Variants in DLG2 observed in about 807,000 individuals in gnomAD.
DLG2 encodes the protein disks large homolog 2.
In DLG2, 45 loss-of-function variants were observed where a neutral mutation model predicts 132.5. The ratio of observed to expected loss-of-function variants is 0.34; its 90% CI spans 0.27 to 0.44. The LOEUF is 0.44. Among genes scored for constraint, DLG2 ranks in the 20% least tolerant of loss-of-function variants. The probability of loss-of-function intolerance (pLI) is 1.00; values close to 1 mark genes in which losing one functional copy is unlikely to be tolerated. For synonymous variants in DLG2, 424 were observed against 419.6 expected, an observed-to-expected ratio of 1.01 and a Z score of -0.13; for missense variants, 1,045 against 1,196.9, an observed-to-expected ratio of 0.87 and a Z score of 1.87.
chr11:85,056,815 T>C (rs918520644), intron 6 of DLG2, among the ~76,000 whole-genome samples: 2 of 152,146 alleles, frequency 1.3e-5, no homozygotes, highest in East Asian at 1.9e-4. Flanking sequence ...GCATTTTTAA[T>C]GTACTGACTG....
chr11:83,808,603 G>A (rs2046499575), intron 17 of DLG2, among the ~76,000 whole-genome samples: 1 of 152,162 alleles, frequency 6.6e-6, no homozygotes, highest in Non-Finnish European at 1.5e-5. Flanking sequence ...TTGGCACGAG[G>A]AGTTCCATGA....
intron 18 of DLG2, chr11:83,724,827 G>C (rs1172403010): frequency 4.3e-6 from 3 of 702,224 alleles, no homozygotes; most frequent in African/African-American, 3.5e-5. Flanking sequence ...CAAGAGAAAT[G>C]GGTCTGAGAA....
intron 18 of DLG2, among the ~76,000 whole-genome samples, chr11:83,691,749 C>G (rs2081044421): frequency 6.6e-6 from 1 of 152,170 alleles, no homozygotes; most frequent in African/African-American, 2.4e-5. Flanking sequence ...CTCATTGTAG[C>G]AGATTCTCCA....
intron 5 of DLG2, among the ~76,000 whole-genome samples, chr11:85,125,280 T>A (rs1434358751): frequency 6.6e-6 from 1 of 152,180 alleles, no homozygotes; most frequent in Non-Finnish European, 1.5e-5. Context: ...TTCATAGCAT[T>A]GTGTTGTTTT....
chr11:83,825,843 T>A (rs1255685564), intron 17 of DLG2, among the ~76,000 whole-genome samples: 1 of 152,200 alleles, frequency 6.6e-6, no homozygotes, highest in East Asian at 1.9e-4. Flanking sequence ...ACTGCCCTGC[T>A]GTCTGGCATC....
chr11:84,273,986 C>T (rs193217880), intron 7 of DLG2, among the ~76,000 whole-genome samples: 4 of 152,110 alleles, frequency 2.6e-5, no homozygotes, highest in Non-Finnish European at 5.9e-5. Flanking sequence ...ACTTTTATTC[C>T]TTATTCTAGA....
intron 6 of DLG2, among the ~76,000 whole-genome samples, chr11:84,821,850 T>C (rs979084735): frequency 6.6e-6 from 1 of 151,760 alleles, no homozygotes; most frequent in Non-Finnish European, 1.5e-5. Flanking sequence ...GCTTGGTATA[T>C]GGAGATTACA....
At chr11:84,273,064 T>G (rs2097749088) in intron 7 of DLG2, 1 of 1,165,320 alleles carries the variant, frequency 8.6e-7, no homozygotes, top group South Asian at 2.1e-5. Context: ...ATGCACAGAA[T>G]TTATACATTT....
At chr11:84,250,563 C>G (rs530137204) in intron 8 of DLG2, among the ~76,000 whole-genome samples, 1 of 152,308 alleles carries the variant, frequency 6.6e-6, no homozygotes, top group East Asian at 1.9e-4. Context: ...CTAGCGCCCA[C>G]TCACAAAGCC....
At chr11:84,854,285 G>T (rs1409088069) in intron 6 of DLG2, among the ~76,000 whole-genome samples, 1 of 151,802 alleles carries the variant, frequency 6.6e-6, no homozygotes, top group African/African-American at 2.4e-5. Flanking sequence ...GAACAAAAGT[G>T]TATCTGTGAC....
intron 6 of DLG2, among the ~76,000 whole-genome samples, chr11:84,676,576 T>C (rs1031312643): frequency 7.9e-5 from 12 of 152,018 alleles, no homozygotes; most frequent in Admixed American, 2.6e-4. Context: ...GGTTTATACA[T>C]ATAGAGCAGT....
At chr11:83,503,039 C>T (rs191852137) in intron 21 of DLG2, among the ~76,000 whole-genome samples, 2 of 151,834 alleles carry the variant, frequency 1.3e-5, no homozygotes, top group Middle Eastern at 3.2e-3. Context: ...ACTGGGGCTA[C>T]AATAAGCTCT....
At chr11:85,004,362 C>T (rs1157036380) in intron 6 of DLG2, among the ~76,000 whole-genome samples, 1 of 152,118 alleles carries the variant, frequency 6.6e-6, no homozygotes, top group African/African-American at 2.4e-5. Flanking sequence ...CCTATTTCTC[C>T]ACGTCCTCTC....
intron 7 of DLG2, among the ~76,000 whole-genome samples, chr11:84,418,520 A>G (rs2098937602): frequency 6.6e-6 from 1 of 152,226 alleles, no homozygotes; most frequent in Admixed American, 6.5e-5. Context: ...ATTAAATAAT[A>G]AACAAAGTCC....
At chr11:84,121,340 T>C (rs1324240083) in intron 9 of DLG2, among the ~76,000 whole-genome samples, 2 of 152,164 alleles carry the variant, frequency 1.3e-5, no homozygotes, top group African/African-American at 2.4e-5. Flanking sequence ...ATCTGGTATA[T>C]AGCAGGTACT....
intron 10 of DLG2, among the ~76,000 whole-genome samples, chr11:84,074,761 C>T (rs1219383065): frequency 1.3e-5 from 2 of 152,086 alleles, no homozygotes; most frequent in African/African-American, 4.8e-5. Flanking sequence ...ATCTCCTGAC[C>T]TCGTGATCTG....
intron 6 of DLG2, among the ~76,000 whole-genome samples, chr11:84,839,099 G>A (rs911155068): frequency 5.9e-5 from 9 of 152,004 alleles, no homozygotes; most frequent in South Asian, 4.2e-4. Context: ...AAACCCCATC[G>A]TCTCAGCCCA....
intron 18 of DLG2, among the ~76,000 whole-genome samples, chr11:83,786,180 G>C (rs2095049255): frequency 6.6e-6 from 1 of 152,118 alleles, no homozygotes. Context: ...TGATCTCACT[G>C]AGTCTCATGG....
chr11:83,819,952 TAATAATAAAC>T (rs2050285645), intron 17 of DLG2, among the ~76,000 whole-genome samples: 1 of 141,714 alleles, frequency 7.1e-6, no homozygotes, highest in African/African-American at 2.9e-5. Context: ...ATAATAATAA[TAATAATAAAC>T]AAAGTCACAA....
Sources: gnomAD v4.1 joint callset for allele counts (sites outside exome capture counted in the v4.1 genomes callset) on GRCh38, gnomAD v4.1.1 for gene constraint, MANE v1.5 for transcripts, NCBI Gene and HGNC (gene_info 2026-07-23, HGNC 2026-07-21) for gene names.